Variants in ANK3 observed in about 807,000 individuals in gnomAD.
ANK3 encodes ankyrin 3.
In ANK3, 57 loss-of-function variants were observed where a neutral mutation model predicts 370.9. That is an observed-to-expected ratio of 0.15 (90% confidence interval 0.12 to 0.19). The LOEUF is 0.19. Ranked by LOEUF, ANK3 falls within the 10% of genes least tolerant of loss-of-function variation. The pLI, the probability that ANK3 is intolerant of heterozygous loss-of-function variation, is 1.00. For missense variants in ANK3, 4,439 were observed against 5,302.1 expected, an observed-to-expected ratio of 0.84 and a Z score of 5.06; for synonymous variants, 1,929 against 1,946.3, an observed-to-expected ratio of 0.99 and a Z score of 0.23.
chr10:60,156,920 A>G (rs1453025096), intron 23 of ANK3, among the ~76,000 whole-genome samples: 3 of 152,206 alleles, frequency 2.0e-5, no homozygotes, highest in African/African-American at 7.2e-5. Context: ...ACATCCAAGA[A>G]AACATTACCT....
At chr10:60,083,788 C>T (rs1222748983) in intron 32 of ANK3, among the ~76,000 whole-genome samples, 171 bp from the exon 33 acceptor site, 1 of 152,182 alleles carries the variant, frequency 6.6e-6, no homozygotes, top group South Asian at 2.1e-4. Context: ...GTGCTTACAA[C>T]TCACCAACTG....
intron 2 of ANK3, among the ~76,000 whole-genome samples, chr10:60,489,331 A>C (rs1404271440): frequency 6.6e-6 from 1 of 152,192 alleles, no homozygotes; most frequent in Non-Finnish European, 1.5e-5. Context: ...CTAATACACT[A>C]GACATAGATT....
intron 2 of ANK3, among the ~76,000 whole-genome samples, chr10:60,447,438 T>TTTTG (rs545420935): frequency 2.8e-4 from 42 of 152,228 alleles, no homozygotes; most frequent in East Asian, 1.3e-3. Flanking sequence ...ACACTAAAGT[T>TTTTG]TTTGTTTGTT....
At chr10:60,165,215 T>C (rs1216616805) in intron 23 of ANK3, among the ~76,000 whole-genome samples, 1 of 152,230 alleles carries the variant, frequency 6.6e-6, no homozygotes, top group Non-Finnish European at 1.5e-5. Context: ...ACATCATGTT[T>C]TGTGTGTGTA....
intron 1 of ANK3, among the ~76,000 whole-genome samples, chr10:60,669,008 A>C (rs757992657): frequency 1.6e-4 from 25 of 151,826 alleles, no homozygotes; most frequent in Admixed American, 2.6e-4. Flanking sequence ...AAAAAAAATT[A>C]TTCAAACACA....
At chr10:60,390,224 C>T (rs543727998), upstream of ANK3, among the ~76,000 whole-genome samples, 23 of 152,268 alleles carry the variant, frequency 1.5e-4, no homozygotes, top group African/African-American at 5.5e-4. Flanking sequence ...ATCCTTTATG[C>T]TGAACTATCA....
chr10:60,091,726 G>T (rs2088510011), intron 28 of ANK3, among the ~76,000 whole-genome samples: 1 of 146,098 alleles, frequency 6.8e-6, no homozygotes, highest in African/African-American at 2.5e-5. Flanking sequence ...AATGTAATCT[G>T]CACATTTTTG....
In ANK3 at chr10:60,072,718, T is replaced by G; in HGVS notation, c.8163A>C (p.Lys2721Asn). The stretch of plus-strand genomic sequence containing the variant: ...TTTTTGCGTGTGTGCCTTGTTCAAA[T>G]TTTAATCTAATGGAACTGAGTTTAG... ...KQSKLSSIRL[K>N]FEQGTHAKSK... The change falls in exon 37 of 44, where the codon AAA becomes AAC. Residue 2721 changes from lysine (K) to asparagine (N), a missense_variant. By Grantham distance (94) the Lys-to-Asn change is moderately conservative. This residue lies in a region of ANK3 where 1,601 missense variants were observed against 1,731.7 expected (regional missense o/e 0.92). Transcript: ENST00000280772. 6.2e-7 allele frequency: 1 copy of G among 1,614,068 alleles called. No homozygotes were observed. Among genetic ancestry groups the G allele is most frequent in the Non-Finnish European group, 8.5e-7 (1 of 1,180,000 alleles).
At chr10:60,298,529 T>A (rs145649302) in intron 1 of ANK3, among the ~76,000 whole-genome samples, 1 of 152,296 alleles carries the variant, frequency 6.6e-6, no homozygotes, top group East Asian at 1.9e-4. Context: ...TGATGGAACT[T>A]CTATATGATT....
chr10:60,576,767 A>G (rs1176562427), intron 2 of ANK3, among the ~76,000 whole-genome samples: 3 of 152,210 alleles, frequency 2.0e-5, no homozygotes, highest in Non-Finnish European at 4.4e-5. Context: ...TTCTTTCTGA[A>G]AACAAAGGAA....
chr10:60,573,063 A>C, intron 2 of ANK3: 2 of 913,964 alleles, frequency 2.2e-6, no homozygotes, highest in Non-Finnish European at 2.6e-6. Flanking sequence ...ATACTAACAC[A>C]TGTGTTGAAT....
chr10:60,223,942 CTT>C (rs547189220), intron 8 of ANK3, among the ~76,000 whole-genome samples: 2 of 145,170 alleles, frequency 1.4e-5, no homozygotes, highest in Admixed American at 6.9e-5. Context: ...TAGAGCCACG[CTT>C]TTTTTTTTTT....
intron 1 of ANK3, among the ~76,000 whole-genome samples, chr10:60,634,109 A>G (rs1261955658): frequency 6.6e-6 from 1 of 152,186 alleles, no homozygotes. Flanking sequence ...TGATTCACTA[A>G]TTCTGTATAA....
At chr10:60,355,981 C>T (rs1197806825) in intron 1 of ANK3, among the ~76,000 whole-genome samples, 2 of 152,108 alleles carry the variant, frequency 1.3e-5, no homozygotes, top group Non-Finnish European at 1.5e-5. Flanking sequence ...ATGTGGGCAT[C>T]GTGGTAGGAT....
chr10:60,642,954 C>CA (rs1418430486), intron 1 of ANK3, among the ~76,000 whole-genome samples: 2 of 151,944 alleles, frequency 1.3e-5, no homozygotes, highest in African/African-American at 4.8e-5. Context: ...CACACACATA[C>CA]AAAAACAAAT....
intron 2 of ANK3, among the ~76,000 whole-genome samples, chr10:60,604,274 T>C (rs1595342590): frequency 6.6e-6 from 1 of 152,194 alleles, no homozygotes; most frequent in Admixed American, 6.6e-5. Flanking sequence ...GACATCATCA[T>C]GTTTTTATAA....
At chr10:60,634,000 T>G (rs2078519173) in intron 1 of ANK3, among the ~76,000 whole-genome samples, 1 of 152,174 alleles carries the variant, frequency 6.6e-6, no homozygotes, top group Non-Finnish European at 1.5e-5. Context: ...TTGTGTAAAC[T>G]CCAATACTTT....
At chr10:60,601,819 T>C (rs986394962) in intron 2 of ANK3, among the ~76,000 whole-genome samples, 2 of 152,182 alleles carry the variant, frequency 1.3e-5, no homozygotes, top group African/African-American at 4.8e-5. Flanking sequence ...GTCTGTAGAC[T>C]CTGTACTGCT....
At chr10:60,256,410 C>A (rs889378692) in intron 7 of ANK3, among the ~76,000 whole-genome samples, 11 of 152,192 alleles carry the variant, frequency 7.2e-5, no homozygotes, top group African/African-American at 2.7e-4. Context: ...TAATGCTCAT[C>A]CATGGATACT....
Sources: gnomAD v4.1 joint callset for allele counts (sites outside exome capture counted in the v4.1 genomes callset) on GRCh38, gnomAD v4.1.1 for gene constraint, gnomAD v4.1.1 regional missense constraint, MANE v1.5 for transcripts, NCBI Gene and HGNC (gene_info 2026-07-23, HGNC 2026-07-21) for gene names.